Variants in ZSWIM3 observed in about 807,000 individuals in gnomAD.
The protein encoded by ZSWIM3 is zinc finger SWIM domain-containing protein 3.
Under a neutral mutation model 47.5 loss-of-function variants are expected in ZSWIM3, and 27 were observed. The observed-to-expected ratio is 0.57, with a 90% confidence interval of 0.42 to 0.78. ZSWIM3 has a LOEUF of 0.78. ZSWIM3 is among the 30% of genes least tolerant of loss of function. ZSWIM3 has a pLI of 0.00. For missense variants in ZSWIM3, 689 were observed against 861.3 expected (o/e 0.80, Z 2.50); for synonymous variants, 333 against 333.9 (o/e 1.00, Z 0.03).
In ZSWIM3 at chr20:45,877,419, A is replaced by C. The variant is rs1171062686; in HGVS notation, c.861A>C (p.Ser287=). The C allele has an allele frequency of 1.2e-6, 2 of 1,614,006 alleles. No individual in the cohort carries two copies. Among genetic ancestry groups the C allele is most frequent in the East Asian group, 4.5e-5 (2 of 44,886 alleles). ...TCAAGGTGGTCTTTGTGGACCCTTC[A>C]TTCCATTACCGGGCTATCCTGCAGG... ...PKVKVVFVDP[S]FHYRAILQEI... Residue 287 remains serine, a synonymous_variant, in exon 2 of 2, where the codon TCA becomes TCC. Transcript: ENST00000255152.
chr20:45,876,489 C>A (rs1986095237), intron 1 of ZSWIM3, among the ~76,000 whole-genome samples: 1 of 152,096 alleles, frequency 6.6e-6, no homozygotes, highest in Non-Finnish European at 1.5e-5. Context: ...CAGGAATACA[C>A]CACCACACCT....
At position 45,857,749 on chromosome 20, in the gene ZSWIM3, T is replaced by C. The variant is rs370108980; in HGVS notation, c.-77T>C. The C allele has an allele frequency of 1.5e-5, 23 of 1,546,338 alleles. No individual in the cohort carries two copies. The highest frequency in any genetic ancestry group is 8.2e-5 in the African/African-American group (6 of 73,182). ...GCCCACGCCTGCCTATAAACCCTCA[T>C]AGTGTGACCTTTGACCCCTGGTGTG... On this transcript the variant is annotated 5_prime_UTR_variant, in exon 1 of 2. Coordinates refer to ENST00000255152, the MANE Select transcript of ZSWIM3 (RefSeq NM_080752.4).
At chr20:45,869,672 C>A (rs1030738663) in intron 1 of ZSWIM3, among the ~76,000 whole-genome samples, 1 of 152,144 alleles carries the variant, frequency 6.6e-6, no homozygotes, top group Admixed American at 6.6e-5. Context: ...CATTTTTCCA[C>A]TCTGCCATGT....
Position 45,876,751 on chromosome 20 carries a change from T to A in ZSWIM3, c.193T>A (p.Ser65Thr). ...GAAATTTGTCTGCATTCGGACCCAA[T>A]CAAACAGGAAGAGAACGCGGGAGGC... ...QVKFVCIRTQ[S>T]NRKRTREADM... The change falls in exon 2 of 2, where the codon TCA becomes ACA. Residue 65 changes from serine (S) to threonine (T), a missense_variant. By Grantham distance (58) the Ser-to-Thr change is moderately conservative. Transcript: ENST00000255152. The A allele has an allele frequency of 6.2e-7, 1 of 1,613,974 alleles. No individual in the cohort carries two copies. The highest frequency in any genetic ancestry group is 8.5e-7 in the Non-Finnish European group (1 of 1,179,934).
intron 1 of ZSWIM3, among the ~76,000 whole-genome samples, chr20:45,870,061 AAAG>A (rs1438336738): frequency 1.3e-5 from 2 of 148,384 alleles, no homozygotes; most frequent in African/African-American, 2.5e-5. Flanking sequence ...AAAAAAAAAA[AAAG>A]AAAAGGCCAA....
At chr20:45,863,106 C>T (rs534332705) in intron 1 of ZSWIM3, among the ~76,000 whole-genome samples, 1 of 151,910 alleles carries the variant, frequency 6.6e-6, no homozygotes, top group South Asian at 2.1e-4. Flanking sequence ...TCTCACTTAC[C>T]AATATATCTT....
At chr20:45,872,877 C>T in intron 1 of ZSWIM3, 1 of 1,212,908 alleles carries the variant, frequency 8.2e-7, no homozygotes, top group South Asian at 1.4e-5. Flanking sequence ...GTGAGACTCA[C>T]ACATCCTGTT....
chr20:45,861,603 C>T (rs1056075658), intron 1 of ZSWIM3, among the ~76,000 whole-genome samples: 1 of 152,108 alleles, frequency 6.6e-6, no homozygotes, highest in African/African-American at 2.4e-5. Context: ...GAGACAAGGT[C>T]TCGCTCTATT....
At position 45,877,936 on chromosome 20, in the gene ZSWIM3, T is replaced by C. The variant is rs767182318; in HGVS notation, c.1378T>C (p.Cys460Arg). 22 of 1,614,162 alleles carry C rather than the reference T, an allele frequency of 1.4e-5. No homozygotes were observed. The highest frequency in any genetic ancestry group is 1.7e-5 in the Non-Finnish European group (20 of 1,180,030). The stretch of plus-strand genomic sequence containing the variant: ...GAAGTCCAAGAAGGCTTTTGGAATC[T>C]GTGGAGAGAGCCTTACCAGCCTCCC... Reference protein sequence around the residue: ...PLKSKKAFGICGESLTSLPAE... With the variant: ...PLKSKKAFGIRGESLTSLPAE... Residue 460 changes from cysteine to arginine, a missense_variant, in exon 2 of 2, where the codon TGT (cysteine) becomes CGT (arginine). By Grantham distance (180) the Cys-to-Arg change is radical. Transcript: ENST00000255152.
At chr20:45,873,401 C>CA (rs1318938457) in intron 1 of ZSWIM3, among the ~76,000 whole-genome samples, 85 of 145,782 alleles carry the variant, frequency 5.8e-4, no homozygotes, top group African/African-American at 1.3e-3. Context: ...AACGCCATCT[C>CA]AAAAAAAAAA....
At chr20:45,863,197 T>G (rs931542504) in intron 1 of ZSWIM3, among the ~76,000 whole-genome samples, 129 of 151,874 alleles carry the variant, frequency 8.5e-4, no homozygotes, top group African/African-American at 1.2e-3. Flanking sequence ...TTGTTTGTTT[T>G]TTTGTTTGTT....
chr20:45,878,495 G>C lies in ZSWIM3; in HGVS notation c.1937G>C (p.Arg646Pro). ...CTGGAGGAACGCTACTCCACCCTGC[G>C]CAAGATTGTGGATATCTGGGCTGGC... is the stretch of plus-strand genomic sequence containing the variant. ...PELEERYSTL[R>P]KIVDIWAGPS... The change falls in exon 2 of 2, where the codon CGC (arginine) becomes CCC (proline). Residue 646 changes from arginine (R) to proline (P), a missense_variant. Coordinates refer to ENST00000255152, the MANE Select transcript of ZSWIM3 (RefSeq NM_080752.4). 3 of 1,614,210 alleles carry C rather than the reference G, an allele frequency of 1.9e-6. No homozygotes were observed. The highest frequency in any genetic ancestry group is 2.5e-6 in the Non-Finnish European group (3 of 1,180,036).
intron 1 of ZSWIM3, among the ~76,000 whole-genome samples, chr20:45,875,256 A>G (rs1986064725): frequency 6.6e-6 from 1 of 151,654 alleles, no homozygotes; most frequent in African/African-American, 2.4e-5. Context: ...GTTAGCCAGA[A>G]TGGTCTCGAT....
intron 1 of ZSWIM3, among the ~76,000 whole-genome samples, chr20:45,869,932 T>C (rs996466571): frequency 6.6e-6 from 1 of 150,718 alleles, no homozygotes; most frequent in Admixed American, 6.7e-5. Context: ...TAATCCCAGC[T>C]ACTCGGGAGG....
At chr20:45,874,438 A>C (rs1175854000) in intron 1 of ZSWIM3, among the ~76,000 whole-genome samples, 2 of 152,050 alleles carry the variant, frequency 1.3e-5, no homozygotes, top group Non-Finnish European at 2.9e-5. Context: ...CTTGAACCCC[A>C]GAGGTGGAGG....
chr20:45,876,984 G>C lies in ZSWIM3; in HGVS notation c.426G>C (p.Glu142Asp). ...PTTKKDLDTA[E>D]KSLVEPSFCL... Reference sequence around the variant, plus strand: ...CCAAAAAAGACCTTGACACTGCCGAGAAGTCCCTGGTTGAGCCATCGTTTT... The same window carrying C: ...CCAAAAAAGACCTTGACACTGCCGACAAGTCCCTGGTTGAGCCATCGTTTT... Residue 142 changes from glutamate (E) to aspartate (D), a missense_variant, in exon 2 of 2, where the codon GAG becomes GAC. Physicochemically the swap from Glu to Asp is conservative, Grantham distance 45 (BLOSUM62 2). Transcript: ENST00000255152. 6.2e-7 allele frequency: 1 copy of C among 1,614,142 alleles called. No individual in the cohort carries two copies. Among genetic ancestry groups the C allele is most frequent in the South Asian group, 1.1e-5 (1 of 91,088 alleles).
Position 45,876,976 on chromosome 20 carries a change from A to G in ZSWIM3, c.418A>G (p.Thr140Ala), listed in dbSNP as rs1986111811. The G allele has an allele frequency of 1.2e-6, 2 of 1,614,148 alleles. No individual in the cohort carries two copies. The highest frequency in any genetic ancestry group is 1.1e-5 in the South Asian group (1 of 91,088). The change falls in exon 2 of 2, where the codon ACT (threonine) becomes GCT (alanine). Residue 140 changes from threonine to alanine, a missense_variant. Coordinates refer to ENST00000255152, the MANE Select transcript of ZSWIM3 (RefSeq NM_080752.4). ...VQPTTKKDLDTAEKSLVEPSF... is the reference protein window; with the variant it reads ...VQPTTKKDLDAAEKSLVEPSF... ...GCCCACAACCAAAAAAGACCTTGAC[A>G]CTGCCGAGAAGTCCCTGGTTGAGCC...
intron 1 of ZSWIM3, among the ~76,000 whole-genome samples, chr20:45,865,451 G>A (rs554474997): frequency 6.6e-6 from 1 of 152,040 alleles, no homozygotes; most frequent in African/African-American, 2.4e-5. Context: ...TCGTGCCACT[G>A]TACTCCAGCC....
chr20:45,873,782 T>C (rs1170530028), intron 1 of ZSWIM3, among the ~76,000 whole-genome samples: 1 of 152,234 alleles, frequency 6.6e-6, no homozygotes, highest in Non-Finnish European at 1.5e-5. Context: ...CTCTCTTTAG[T>C]CATTAGATAT....
Sources: allele counts gnomAD v4.1 joint callset (sites outside exome capture counted in the v4.1 genomes callset), GRCh38; gene constraint gnomAD v4.1.1; transcripts MANE v1.5; gene names NCBI Gene and HGNC (gene_info 2026-07-23, HGNC 2026-07-21).